The following CFAP77 variants were observed in gnomAD, a reference collection of about 807,000 sequenced individuals.
CFAP77 encodes cilia and flagella associated protein 77, also known as cilia- and flagella-associated protein 77.
In CFAP77, 25 loss-of-function variants were observed where a neutral mutation model predicts 31.1. The ratio of observed to expected loss-of-function variants is 0.80; its 90% CI spans 0.59 to 1.12. CFAP77 has a LOEUF of 1.12. Among genes scored for constraint, CFAP77 ranks in the 50% most tolerant of loss-of-function variants. The pLI is 0.00. For missense variants in CFAP77, 377 were observed against 397.3 expected, an observed-to-expected ratio of 0.95 and a Z score of 0.44; for synonymous variants, 151 against 159.9, an observed-to-expected ratio of 0.94 and a Z score of 0.42.
At chr9:132,553,003 C>T (rs191248008) in intron 5 of CFAP77, among the ~76,000 whole-genome samples, 408 of 152,296 alleles carry the variant, frequency 2.7e-3, no homozygotes, top group African/African-American at 8.8e-3. Context: ...AACAAAATCC[C>T]ATAGACTGGG....
At position 132,571,896 on chromosome 9, in the gene CFAP77, T is replaced by C. The variant is rs866594279; in HGVS notation, c.733-492T>C. Among the ~76,000 whole-genome samples, 376 of 151,948 alleles carry C rather than the reference T, an allele frequency of 2.5e-3. 2 individuals are homozygous for C. Among genetic ancestry groups the C allele is most frequent in the African/African-American group, 8.8e-3 (365 of 41,388 alleles). ...TGTCTCCCTTGCATTTTTTTTTTTT[T>C]TTTCTGATTTATTCTTGAGCTCTGG... is the stretch of plus-strand genomic sequence containing the variant. On this transcript the variant is annotated intron_variant, in intron 5 of 5. Coordinates refer to ENST00000393216, the MANE Select transcript of CFAP77 (RefSeq NM_001282957.2).
At chr9:132,416,859 A>T (rs1034338634) in intron 1 of CFAP77, among the ~76,000 whole-genome samples, 13 of 151,446 alleles carry the variant, frequency 8.6e-5, no homozygotes, top group Admixed American at 2.6e-4. Context: ...GCTGGTCCGA[A>T]CTCCTGACCT....
intron 3 of CFAP77, among the ~76,000 whole-genome samples, chr9:132,505,883 C>T (rs921477899): frequency 8.5e-5 from 13 of 152,068 alleles, no homozygotes; most frequent in African/African-American, 2.7e-4. Flanking sequence ...CCTCAGCTAA[C>T]GGCAGCCTCT....
rs751080646 is a variant in CFAP77 at position 132,499,284 on chromosome 9, C to T, written c.296-88C>T. The T allele has an allele frequency of 6.8e-6, 8 of 1,185,140 alleles. No individual in the cohort carries two copies. The highest frequency in any genetic ancestry group is 1.4e-5 in the South Asian group (1 of 73,400). The allele number at this position is 1,185,140 out of a possible 1,614,324, so 73.4% of individuals were successfully genotyped here. On this transcript the variant is annotated intron_variant, in intron 2 of 5. Coordinates refer to ENST00000393216, the MANE Select transcript of CFAP77 (RefSeq NM_001282957.2). This position sits in a 1 kb window ranked among gnomAD's most constrained non-coding sequence, Gnocchi z 5.4. ...CAGGTAAATGGGAAGGCCGAGGACC[C>T]GCGTGCCCCCATTTCTTCTCGATCA... is the stretch of plus-strand genomic sequence containing the variant.
chr9:132,441,999 G>T (rs1850622611), intron 1 of CFAP77, among the ~76,000 whole-genome samples: 1 of 152,184 alleles, frequency 6.6e-6, no homozygotes, highest in African/African-American at 2.4e-5. Flanking sequence ...TACCCTTTGT[G>T]CAGTTTAGGG....
At chr9:132,437,166 C>A (rs552957331) in intron 1 of CFAP77, among the ~76,000 whole-genome samples, 3 of 152,282 alleles carry the variant, frequency 2.0e-5, no homozygotes, top group East Asian at 3.9e-4. Context: ...CATCATGAGG[C>A]CTTCCCTGAT....
At position 132,498,323 on chromosome 9, in the gene CFAP77, C is replaced by T. The variant is rs1178691103; in HGVS notation, c.196-372C>T. On this transcript the variant is annotated intron_variant, in intron 1 of 5. Transcript: ENST00000393216. This position sits in a 1 kb window ranked among gnomAD's most constrained non-coding sequence, Gnocchi z 4.2. ...CCTTCGACGGGGCCTCCAGATGAGG[C>T]CTCCTGAACTGGGTCCTGCATTTCC... is the stretch of plus-strand genomic sequence containing the variant. Among the ~76,000 whole-genome samples the T allele has an allele frequency of 6.6e-6, 1 of 152,116 alleles. No individual in the cohort carries two copies. The highest frequency in any genetic ancestry group is 2.4e-5 in the African/African-American group (1 of 41,400).
chr9:132,513,264 T>C, intron 3 of CFAP77: 2 of 1,547,948 alleles, frequency 1.3e-6, no homozygotes, highest in East Asian at 2.4e-5. Context: ...ATTAGAAAAC[T>C]TTCCAAACAA....
chr9:132,561,659 ACACCCC>A (rs1564253350), intron 5 of CFAP77, among the ~76,000 whole-genome samples: 2 of 64,204 alleles, frequency 3.1e-5, no homozygotes, highest in Non-Finnish European at 3.0e-5. Context: ...ACACACACAC[ACACCCC>A]CTCCATGTGT....
chr9:132,530,991 G>A (rs1383643989), intron 3 of CFAP77, among the ~76,000 whole-genome samples: 1 of 152,158 alleles, frequency 6.6e-6, no homozygotes, highest in African/African-American at 2.4e-5. Flanking sequence ...TGTTTGCTTT[G>A]TTGTTTATTT....
intron 5 of CFAP77, among the ~76,000 whole-genome samples, chr9:132,570,071 C>A (rs994549998): frequency 1.3e-5 from 2 of 152,164 alleles, no homozygotes; most frequent in Non-Finnish European, 2.9e-5. Flanking sequence ...TCAGGAAGAT[C>A]GTGTCACAGT....
chr9:132,510,920 C>T (rs1362575310), intron 3 of CFAP77, among the ~76,000 whole-genome samples: 2 of 152,118 alleles, frequency 1.3e-5, no homozygotes, highest in Non-Finnish European at 2.9e-5. Context: ...CTCTTATCCC[C>T]ATTTTATAGA....
chr9:132,556,396 G>A (rs189228095), intron 5 of CFAP77, among the ~76,000 whole-genome samples: 10 of 152,302 alleles, frequency 6.6e-5, no homozygotes, highest in African/African-American at 2.4e-4. Context: ...CCATCATCTG[G>A]GTTCTGCAAA....
intron 1 of CFAP77, among the ~76,000 whole-genome samples, chr9:132,468,652 C>T (rs544375664): frequency 6.6e-6 from 1 of 152,326 alleles, no homozygotes; most frequent in South Asian, 2.1e-4. Flanking sequence ...ATGCTTCGTC[C>T]TGTGATGTCT....
intron 1 of CFAP77, among the ~76,000 whole-genome samples, chr9:132,414,514 C>T (rs1205975628): frequency 6.6e-6 from 1 of 151,352 alleles, no homozygotes; most frequent in African/African-American, 2.4e-5. Context: ...CACACACACA[C>T]ACACACACAC....
chr9:132,444,564 A>G (rs1850673715), intron 1 of CFAP77, among the ~76,000 whole-genome samples: 1 of 152,176 alleles, frequency 6.6e-6, no homozygotes. Flanking sequence ...TGGCCATGGC[A>G]AGGCAGGAAG....
intron 1 of CFAP77, among the ~76,000 whole-genome samples, chr9:132,479,287 T>C (rs987639311): frequency 7.2e-5 from 11 of 152,172 alleles, no homozygotes; most frequent in African/African-American, 2.7e-4. Flanking sequence ...CTCAGCCATC[T>C]TTTGCCCTGG....
chr9:132,482,937 A>T (rs1375821837), intron 1 of CFAP77, among the ~76,000 whole-genome samples: 2 of 147,644 alleles, frequency 1.4e-5, no homozygotes, highest in African/African-American at 2.6e-5. Flanking sequence ...ATGTACCCTA[A>T]AACTTAAAGT....
chr9:132,569,574 G>A (rs1020872316), intron 5 of CFAP77, among the ~76,000 whole-genome samples: 1 of 151,858 alleles, frequency 6.6e-6, no homozygotes, highest in Non-Finnish European at 1.5e-5. Flanking sequence ...GACACCATTG[G>A]TGACTGGCCA....
Sources: gnomAD v4.1 joint callset for allele counts (sites outside exome capture counted in the v4.1 genomes callset) on GRCh38, gnomAD v4.1.1 for gene constraint, Gnocchi (gnomAD v3.1) non-coding constraint, MANE v1.5 for transcripts, NCBI Gene and HGNC (gene_info 2026-07-23, HGNC 2026-07-21) for gene names.